Variants in MGST1 observed in about 807,000 individuals in gnomAD.
The protein encoded by MGST1 is glutathione S-transferase 12.
In MGST1, 5 loss-of-function variants were observed where a neutral mutation model predicts 8.9. The ratio of observed to expected loss-of-function variants is 0.56; its 90% CI spans 0.29 to 1.19. The LOEUF is 1.19. MGST1 is among the 50% of genes most tolerant of loss of function. The pLI, the probability that MGST1 is intolerant of heterozygous loss-of-function variation, is 0.08. For missense variants in MGST1, 182 were observed against 187.4 expected (o/e 0.97, Z 0.17); for synonymous variants, 54 against 67.8 (o/e 0.80, Z 1.00).
chr12:16,463,232 G>A (rs904350891), intron 4 of MGST1, among the ~76,000 whole-genome samples: 2 of 151,990 alleles, frequency 1.3e-5, no homozygotes, highest in Admixed American at 6.6e-5. Context: ...AACCTAGAGT[G>A]CAGTGGTGCT....
intron 4 of MGST1, among the ~76,000 whole-genome samples, chr12:16,505,436 C>G (rs1000725723): frequency 6.6e-6 from 1 of 152,142 alleles, no homozygotes; most frequent in Non-Finnish European, 1.5e-5. Flanking sequence ...GTAAGCTTCT[C>G]TTACTCCATC....
chr12:16,363,923 A>G lies in MGST1; in HGVS notation c.350A>G (p.His117Arg). 6.2e-7 allele frequency: 1 copy of G among 1,613,952 alleles called. No individual in the cohort carries two copies. Among genetic ancestry groups the G allele is most frequent in the Non-Finnish European group, 8.5e-7 (1 of 1,179,892 alleles). Reference protein sequence around the residue: ...FRLFVGARIYHTIAYLTPLPQ... With the variant: ...FRLFVGARIYRTIAYLTPLPQ... ...CTATTTGTCGGAGCACGGATCTACC[A>G]CACCATTGCATATTTGACACCCCTT... The change falls in exon 4 of 4, where the codon CAC becomes CGC. Residue 117 changes from histidine to arginine, a missense_variant. His to Arg is a conservative substitution (Grantham distance 29, BLOSUM62 0). Transcript: ENST00000396210. The surrounding 1 kb of genome is among the most constrained non-coding windows in gnomAD (Gnocchi z 4.6).
intron 3 of MGST1, among the ~76,000 whole-genome samples, chr12:16,373,178 T>C (rs1229152228): frequency 1.3e-5 from 2 of 151,742 alleles, no homozygotes; most frequent in South Asian, 2.1e-4. Context: ...ATGTTCTCAC[T>C]CATATGTGGG....
At chr12:16,376,977 A>C (rs953524184) in exon 4 of MGST1, 1 of 152,044 alleles carries the variant, frequency 6.6e-6, no homozygotes, top group Non-Finnish European at 1.5e-5. Flanking sequence ...TCTAAAATTA[A>C]AAGTTAAAGC....
At chr12:16,480,840 G>A (rs1941359027) in intron 4 of MGST1, among the ~76,000 whole-genome samples, 2 of 152,120 alleles carry the variant, frequency 1.3e-5, no homozygotes, top group Non-Finnish European at 2.9e-5. Context: ...GGAGGCCCAG[G>A]CAGGAGGACC....
chr12:16,535,467 A>G (rs919671134), intron 4 of MGST1, among the ~76,000 whole-genome samples: 1 of 152,226 alleles, frequency 6.6e-6, no homozygotes, highest in Non-Finnish European at 1.5e-5. Context: ...GTGCTGGATC[A>G]AGTTCCAGCA....
chr12:16,519,806 G>C (rs1034541445), intron 4 of MGST1, among the ~76,000 whole-genome samples: 4 of 152,084 alleles, frequency 2.6e-5, no homozygotes, highest in Non-Finnish European at 5.9e-5. Context: ...TTCTGAAGAG[G>C]TTCTCATATT....
At chr12:16,472,435 T>C (rs1307328459) in intron 4 of MGST1, among the ~76,000 whole-genome samples, 1 of 136,074 alleles carries the variant, frequency 7.3e-6, no homozygotes, top group Non-Finnish European at 1.5e-5. Flanking sequence ...TTCCTTCTGT[T>C]TTTTTTTTTT....
At position 16,413,193 on chromosome 12, in the gene MGST1, C is replaced by T. The variant is rs1940757322; in HGVS notation, n.779-24195C>T. Among the ~76,000 whole-genome samples the T allele has an allele frequency of 6.6e-6, 1 of 152,120 alleles. No homozygotes were observed. The highest frequency in any genetic ancestry group is 2.1e-4 in the South Asian group (1 of 4,828). ...ACCACTATCACTGACTTTCTCGAGCCCTATTTGGCTCTGCAGGAGCTAAAC... is the reference window on the plus strand; with the variant it reads ...ACCACTATCACTGACTTTCTCGAGCTCTATTTGGCTCTGCAGGAGCTAAAC... On this transcript the variant is annotated intron_variant and non_coding_transcript_variant, in intron 1 of 1. Transcript: ENST00000359720. The surrounding 1 kb of genome is among the most constrained non-coding windows in gnomAD (Gnocchi z 4.0).
chr12:16,368,393 C>A (rs1368538663), downstream of MGST1, among the ~76,000 whole-genome samples: 1 of 152,112 alleles, frequency 6.6e-6, no homozygotes, highest in Non-Finnish European at 1.5e-5. Context: ...AGAAGTGAGG[C>A]AATTTGCCTT....
chr12:16,562,617 C>T (rs1321878481), intron 4 of MGST1, among the ~76,000 whole-genome samples: 4 of 152,194 alleles, frequency 2.6e-5, no homozygotes, highest in Non-Finnish European at 5.9e-5. Context: ...GGACCTGAGA[C>T]CTGCTTCTGC....
rs139782687 is a variant in MGST1 at position 16,400,118 on chromosome 12, C to T, written n.778+16514C>T. The T allele has an allele frequency of 9.6e-3, 14,733 of 1,537,338 alleles. 87 individuals are homozygous for T. The highest frequency in any genetic ancestry group is 0.011 in the Non-Finnish European group (12,546 of 1,110,902). Reference sequence around the variant, plus strand: ...GCTGTTTTCAGTTTGTGCCTCATTTCTCGTTCCATCTGCTCAGCATAGAGG... The same window carrying T: ...GCTGTTTTCAGTTTGTGCCTCATTTTTCGTTCCATCTGCTCAGCATAGAGG... On this transcript the variant is annotated intron_variant and non_coding_transcript_variant, in intron 1 of 1. Coordinates refer to the MGST1 transcript ENST00000359720.
At chr12:16,432,765 G>T (rs1221519056) in intron 1 of MGST1, among the ~76,000 whole-genome samples, 3 of 146,344 alleles carry the variant, frequency 2.0e-5, no homozygotes. Flanking sequence ...TTCTCCAGAG[G>T]AAAAGAATCA....
chr12:16,420,413 T>C (rs4764270), intron 1 of MGST1, among the ~76,000 whole-genome samples: 84,077 of 152,156 alleles, frequency 0.55, 24,730 homozygotes, highest in East Asian at 0.87. Flanking sequence ...CTAGATATGT[T>C]CATTTGTTCA....
chr12:16,481,102 A>G (rs1034687329), intron 4 of MGST1, among the ~76,000 whole-genome samples: 4 of 152,228 alleles, frequency 2.6e-5, no homozygotes, highest in East Asian at 1.9e-4. Context: ...CTATCCTGAA[A>G]AAAAGAGACA....
At chr12:16,542,019 G>A (rs1368052401) in intron 4 of MGST1, among the ~76,000 whole-genome samples, 1 of 152,070 alleles carries the variant, frequency 6.6e-6, no homozygotes, top group African/African-American at 2.4e-5. Flanking sequence ...ATCATCAGTG[G>A]ACCTTTTAGT....
At chr12:16,469,447 C>T (rs1329270561) in intron 4 of MGST1, among the ~76,000 whole-genome samples, 1 of 152,104 alleles carries the variant, frequency 6.6e-6, no homozygotes, top group Non-Finnish European at 1.5e-5. Flanking sequence ...CCTTGGCCTC[C>T]CAAGGTGTTG....
intron 4 of MGST1, among the ~76,000 whole-genome samples, chr12:16,451,896 A>G (rs1271195178): frequency 6.6e-6 from 1 of 151,848 alleles, no homozygotes; most frequent in Non-Finnish European, 1.5e-5. Flanking sequence ...CATGTTTTCC[A>G]TCTTAGTGTA....
intron 4 of MGST1, among the ~76,000 whole-genome samples, chr12:16,444,413 C>A (rs1360700642): frequency 6.6e-6 from 1 of 151,802 alleles, no homozygotes; most frequent in Non-Finnish European, 1.5e-5. Flanking sequence ...CATTATGTAT[C>A]CTCAACTCAC....
Sources: gnomAD v4.1 joint callset for allele counts (sites outside exome capture counted in the v4.1 genomes callset) on GRCh38, gnomAD v4.1.1 for gene constraint, Gnocchi (gnomAD v3.1) non-coding constraint, MANE v1.5 for transcripts, NCBI Gene and HGNC (gene_info 2026-07-23, HGNC 2026-07-21) for gene names.